The following SLC39A12 variants were observed in gnomAD, a reference collection of about 807,000 sequenced individuals.
SLC39A12 encodes the protein zinc transporter ZIP12.
A neutral mutation model predicts 71.1 loss-of-function variants in SLC39A12; 63 were observed. The ratio of observed to expected loss-of-function variants is 0.89; its 90% confidence interval spans 0.72 to 1.09. The LOEUF (loss-of-function observed/expected upper bound fraction) is 1.09. Among genes scored for constraint, SLC39A12 ranks in the 50% least tolerant of loss-of-function variants. SLC39A12 has a pLI of 0.00. For synonymous variants in SLC39A12, 351 were observed against 301.3 expected (o/e 1.16, Z -1.71); for missense variants, 892 against 812.6 (o/e 1.10, Z -1.19).
chr10:18,013,346 TTTATTATTATTATTATTA>T (rs35228459), intron 12 of SLC39A12, among the ~76,000 whole-genome samples: 6 of 139,846 alleles, frequency 4.3e-5, no homozygotes, highest in East Asian at 2.0e-4. Flanking sequence ...TCCAACTTTA[TTTATTATTATTATTATTA>T]TTATTATTAT....
chr10:17,976,898 T>G (rs943354203), intron 4 of SLC39A12, among the ~76,000 whole-genome samples: 1 of 152,196 alleles, frequency 6.6e-6, no homozygotes, highest in African/African-American at 2.4e-5. Context: ...TTCTAATCCT[T>G]TCTCTTTCTC....
chr10:17,952,981 A>C (rs1834442754), intron 1 of SLC39A12, among the ~76,000 whole-genome samples: 1 of 152,146 alleles, frequency 6.6e-6, no homozygotes, highest in South Asian at 2.1e-4. Flanking sequence ...TTAGGGAGAG[A>C]GAATCTAGCA....
At chr10:17,976,865 G>C (rs911863589) in intron 4 of SLC39A12, among the ~76,000 whole-genome samples, 10 of 152,064 alleles carry the variant, frequency 6.6e-5, no homozygotes, top group Non-Finnish European at 2.9e-5. Context: ...GAAAGTTTTG[G>C]CCATTATTTC....
At chr10:17,962,036 G>A (rs1392157564) in intron 3 of SLC39A12, among the ~76,000 whole-genome samples, 174 bp downstream of exon 3, 1 of 152,328 alleles carries the variant, frequency 6.6e-6, no homozygotes, top group Non-Finnish European at 1.5e-5. Context: ...GTCCAAAAGA[G>A]GAAATGTAAT....
intron 4 of SLC39A12, among the ~76,000 whole-genome samples, chr10:17,970,392 A>G (rs1431093565): frequency 2.6e-5 from 4 of 151,938 alleles, no homozygotes; most frequent in Non-Finnish European, 5.9e-5. Context: ...GGACATTTTA[A>G]CAATATTTAT....
intron 7 of SLC39A12, 96 bp downstream of exon 7, chr10:17,987,747 A>C (rs1038041822): frequency 4.1e-5 from 54 of 1,302,576 alleles, no homozygotes; most frequent in Non-Finnish European, 5.6e-5. Context: ...TGAGACTTCA[A>C]AGAGAGAGTA....
intron 12 of SLC39A12, among the ~76,000 whole-genome samples, chr10:18,012,655 T>A (rs1202529847): frequency 6.6e-6 from 1 of 152,010 alleles, no homozygotes; most frequent in East Asian, 1.9e-4. Context: ...GATCACGAGG[T>A]CAAGAGGTCA....
rs987947478 is a variant in SLC39A12 at position 17,998,800 on chromosome 10, G to T, written c.1601-1867G>T. 4.6e-5 allele frequency among the ~76,000 whole-genome samples: 7 copies of T among 151,982 alleles called. 1 individual carries two copies. The highest frequency in any genetic ancestry group is 3.9e-4 in the Admixed American group (6 of 15,260). ...CTGAAGTTATTTATCTCACAGTGTG[G>T]GATATGATATGAATCAAATCATATT... On this transcript the variant is annotated intron_variant, in intron 10 of 12. Transcript: ENST00000377369.
chr10:17,984,679 C>T (rs547693259), intron 6 of SLC39A12, among the ~76,000 whole-genome samples: 1 of 152,256 alleles, frequency 6.6e-6, no homozygotes, highest in African/African-American at 2.4e-5. Flanking sequence ...AAAGACACGA[C>T]GATGTAGGTG....
At chr10:17,961,481 A>G in intron 2 of SLC39A12, 100 bp from the exon 3 acceptor site, 1 of 1,174,188 alleles carries the variant, frequency 8.5e-7, no homozygotes. Flanking sequence ...CTTTCTGTTT[A>G]TAAAATGATA....
Position 18,000,838 on chromosome 10 carries a change from A to G in SLC39A12, c.1759+13A>G, listed in dbSNP as rs375048554. ...CCACATGAAATGGGTAAGTTCAACA[A>G]TGGAATTACTGTTTCTGGCCTGTTG... On this transcript the variant is annotated intron_variant, in intron 11 of 12. Transcript: ENST00000377369. The G allele has an allele frequency of 2.3e-5, 37 of 1,611,638 alleles. No individual in the cohort carries two copies. Among genetic ancestry groups the G allele is most frequent in the Middle Eastern group, 1.6e-4 (1 of 6,080 alleles).
At chr10:18,029,944 A>G (rs935383453) in intron 12 of SLC39A12, among the ~76,000 whole-genome samples, 1 of 151,668 alleles carries the variant, frequency 6.6e-6, no homozygotes, top group African/African-American at 2.4e-5. Flanking sequence ...CTATAATTAG[A>G]TAGGGTTTGA....
In SLC39A12 at chr10:17,993,231, A is replaced by C; in HGVS notation, c.1473A>C (p.Ala491=). 1 of 1,551,872 alleles carries C rather than the reference A, an allele frequency of 6.4e-7. No homozygotes were observed. Residue 491 remains alanine (A), a synonymous_variant, in exon 9 of 13, where the codon GCA becomes GCC. Coordinates refer to ENST00000377369, the MANE Select transcript of SLC39A12 (RefSeq NM_001145195.2). The part of the protein sequence containing the change: ...NGHVGHSHHL[A]LNSELSDQAG... ...ACGTGGGTCATTCCCACCATCTTGC[A>C]CTCAACTCTGAATTAAGTGACCAGG...
intron 6 of SLC39A12, among the ~76,000 whole-genome samples, chr10:17,983,799 A>C (rs1333259374): frequency 6.6e-6 from 1 of 152,144 alleles, no homozygotes; most frequent in Non-Finnish European, 1.5e-5. Context: ...AAAACAAAAC[A>C]AAACCTAGAA....
intron 7 of SLC39A12, among the ~76,000 whole-genome samples, chr10:17,990,024 T>C (rs926157330): frequency 2.0e-5 from 3 of 152,226 alleles, no homozygotes; most frequent in Non-Finnish European, 4.4e-5. Context: ...TTCAAACGTC[T>C]GCACAGAAGT....
At chr10:18,006,814 G>C (rs1406393410) in intron 12 of SLC39A12, among the ~76,000 whole-genome samples, 2 of 152,096 alleles carry the variant, frequency 1.3e-5, no homozygotes, top group Non-Finnish European at 2.9e-5. Context: ...TCCTGGAAAG[G>C]GGCTCAAGCC....
chr10:18,003,121 G>C, intron 11 of SLC39A12, 50 bp from the exon 12 acceptor site: 6 of 1,552,864 alleles, frequency 3.9e-6, no homozygotes, highest in African/African-American at 1.4e-5. Context: ...TTTAGCAAAG[G>C]CGTCTTCCAT....
intron 12 of SLC39A12, among the ~76,000 whole-genome samples, chr10:18,008,282 G>T (rs895041292): frequency 7.2e-5 from 11 of 152,142 alleles, no homozygotes; most frequent in South Asian, 4.1e-4. Context: ...TCTCACAGGA[G>T]CGTGAACCTT....
At chr10:17,989,641 G>T (rs111923463) in intron 7 of SLC39A12, among the ~76,000 whole-genome samples, 1 of 152,096 alleles carries the variant, frequency 6.6e-6, no homozygotes, top group Non-Finnish European at 1.5e-5. Context: ...GACAAGAGCC[G>T]GGTGCAGTGG....
Sources: gnomAD v4.1 joint callset for allele counts (sites outside exome capture counted in the v4.1 genomes callset) on GRCh38, gnomAD v4.1.1 for gene constraint, MANE v1.5 for transcripts, NCBI Gene and HGNC (gene_info 2026-07-23, HGNC 2026-07-21) for gene names.